Variants in SGMS1 observed in about 807,000 individuals in gnomAD.
SGMS1 encodes the protein phosphatidylcholine:ceramide cholinephosphotransferase 1.
A neutral mutation model predicts 46.2 loss-of-function variants in SGMS1; 13 were observed. That is an observed-to-expected ratio of 0.28 (90% CI 0.18 to 0.45). The LOEUF (loss-of-function observed/expected upper bound fraction) is 0.45, where lower values mean the gene tolerates loss of function less well. Among genes scored for constraint, SGMS1 ranks in the 20% least tolerant of loss-of-function variants. The pLI is 1.00. For synonymous variants in SGMS1, 203 were observed against 187.8 expected (o/e 1.08, Z -0.66); for missense variants, 324 against 519.9 (o/e 0.62, Z 3.66).
chr10:50,526,150 A>C (rs1837899285), intron 2 of SGMS1, among the ~76,000 whole-genome samples: 2 of 152,190 alleles, frequency 1.3e-5, no homozygotes, highest in Admixed American at 1.3e-4. Flanking sequence ...TTTATGAAGA[A>C]AAGAGGTTTA....
chr10:50,421,853 T>C (rs973121514), intron 6 of SGMS1, among the ~76,000 whole-genome samples: 4 of 152,160 alleles, frequency 2.6e-5, no homozygotes, highest in Non-Finnish European at 5.9e-5. Flanking sequence ...AAGGGACCCA[T>C]GCAGGTGGCT....
chr10:50,410,273 G>C (rs16934269), intron 6 of SGMS1, among the ~76,000 whole-genome samples: 4,782 of 152,196 alleles, frequency 0.031, 236 homozygotes, highest in African/African-American at 0.11. Flanking sequence ...AAGTCAGATA[G>C]GAAAGGGCAT....
At chr10:50,391,232 A>AAAT (rs1377151876) in intron 6 of SGMS1, among the ~76,000 whole-genome samples, 1 of 152,230 alleles carries the variant, frequency 6.6e-6, no homozygotes, top group Non-Finnish European at 1.5e-5. Flanking sequence ...CACAGACCTA[A>AAAT]AATCAAGTCA....
intron 3 of SGMS1, among the ~76,000 whole-genome samples, chr10:50,514,628 A>G (rs1837786530): frequency 1.3e-5 from 2 of 152,234 alleles, no homozygotes; most frequent in Admixed American, 1.3e-4. Context: ...TTAGACCATT[A>G]TTCTGCTACC....
intron 2 of SGMS1, among the ~76,000 whole-genome samples, chr10:50,580,349 A>G (rs1045033786): frequency 1.2e-4 from 18 of 152,114 alleles, no homozygotes; most frequent in Non-Finnish European, 1.9e-4. Context: ...CCTAATATTT[A>G]TTATACCATC....
At chr10:50,392,877 C>T (rs1848794184) in intron 6 of SGMS1, among the ~76,000 whole-genome samples, 1 of 152,048 alleles carries the variant, frequency 6.6e-6, no homozygotes, top group Non-Finnish European at 1.5e-5. Flanking sequence ...TTCTACTATT[C>T]ACTTTACATT....
intron 2 of SGMS1, among the ~76,000 whole-genome samples, chr10:50,549,352 T>C (rs1456153271): frequency 3.9e-5 from 6 of 152,286 alleles, no homozygotes; most frequent in African/African-American, 1.4e-4. Flanking sequence ...CATGGAATAC[T>C]ACGAAGCCAT....
At chr10:50,407,733 A>G (rs1467106594) in intron 6 of SGMS1, among the ~76,000 whole-genome samples, 1 of 152,218 alleles carries the variant, frequency 6.6e-6, no homozygotes. Context: ...TACTCTTGAA[A>G]GCCATCATGT....
At chr10:50,581,814 C>T (rs1309709078) in intron 2 of SGMS1, among the ~76,000 whole-genome samples, 3 of 152,138 alleles carry the variant, frequency 2.0e-5, no homozygotes, top group African/African-American at 7.2e-5. Context: ...AAAGAAACAA[C>T]AAAAACAATG....
chr10:50,475,071 G>A (rs772126914), intron 3 of SGMS1, among the ~76,000 whole-genome samples: 25 of 152,100 alleles, frequency 1.6e-4, no homozygotes, highest in Non-Finnish European at 2.6e-4. Context: ...AGATTCCTGG[G>A]TATGTTTCCA....
At position 50,571,683 on chromosome 10, in the gene SGMS1, T is replaced by C. The variant is rs191920036; in HGVS notation, c.-589+18470A>G. ...TCTAATGTGCATATATATACACATATATATGACAGATATAAAAATCTGTAT... is the reference window on the plus strand; with the variant it reads ...TCTAATGTGCATATATATACACATACATATGACAGATATAAAAATCTGTAT... On this transcript the variant is annotated intron_variant, in intron 2 of 10. Transcript: ENST00000361781. Among the ~76,000 whole-genome samples, 32 of 152,340 alleles carry C rather than the reference T, an allele frequency of 2.1e-4. No homozygotes were observed. In the East Asian group the frequency reaches 6.0e-3, roughly 28 times the overall value.
intron 6 of SGMS1, among the ~76,000 whole-genome samples, chr10:50,419,502 C>T (rs1003367101): frequency 1.3e-5 from 2 of 150,248 alleles, no homozygotes; most frequent in African/African-American, 4.9e-5. Flanking sequence ...AGCAAATAGG[C>T]TTAAAATTGG....
chr10:50,419,251 CA>C (rs1849223150), intron 6 of SGMS1, among the ~76,000 whole-genome samples: 1 of 152,130 alleles, frequency 6.6e-6, no homozygotes, highest in Non-Finnish European at 1.5e-5. Flanking sequence ...AGTAGGCACT[CA>C]AAAAATGCTG....
chr10:50,331,962 G>A (rs986450513), intron 7 of SGMS1, among the ~76,000 whole-genome samples: 2 of 152,078 alleles, frequency 1.3e-5, no homozygotes, highest in African/African-American at 2.4e-5. Flanking sequence ...CCCAGTCTAC[G>A]ATATTTTGTT....
Position 50,578,400 on chromosome 10 carries a change from T to C in SGMS1, c.-589+11753A>G, listed in dbSNP as rs566898268. Among the ~76,000 whole-genome samples, 6 of 152,362 alleles carry C rather than the reference T, an allele frequency of 3.9e-5. No individual in the cohort carries two copies. In the South Asian group the frequency reaches 8.3e-4, roughly 21 times the overall value. ...GCTGCATTTTAATCTAAGGATTATA[T>C]GCTTACCCTTGGAAAATTCTTTCAG... is the stretch of plus-strand genomic sequence containing the variant. On this transcript the variant is annotated intron_variant, in intron 2 of 10. Coordinates refer to ENST00000361781, the MANE Select transcript of SGMS1 (RefSeq NM_147156.4).
At chr10:50,320,504 G>A (rs891781989) in intron 8 of SGMS1, among the ~76,000 whole-genome samples, 1 of 152,158 alleles carries the variant, frequency 6.6e-6, no homozygotes, top group African/African-American at 2.4e-5. Context: ...TATCAATGGA[G>A]AGAGATGCTT....
At chr10:50,547,274 A>C (rs1018323736) in intron 2 of SGMS1, among the ~76,000 whole-genome samples, 1 of 152,190 alleles carries the variant, frequency 6.6e-6, no homozygotes, top group Admixed American at 6.5e-5. Flanking sequence ...TTATTTTAAA[A>C]ATTCAGACCA....
intron 3 of SGMS1, among the ~76,000 whole-genome samples, chr10:50,498,182 G>C (rs762720759): frequency 6.6e-6 from 1 of 152,164 alleles, no homozygotes; most frequent in Non-Finnish European, 1.5e-5. Flanking sequence ...AATGCTGTTT[G>C]GGGGAGGGGA....
chr10:50,444,377 A>G (rs1836982050), intron 5 of SGMS1, among the ~76,000 whole-genome samples: 1 of 152,210 alleles, frequency 6.6e-6, no homozygotes, highest in Non-Finnish European at 1.5e-5. Context: ...GAAATTCTCA[A>G]CAAAATACAG....
Sources: gnomAD v4.1 joint callset for allele counts (sites outside exome capture counted in the v4.1 genomes callset) on GRCh38, gnomAD v4.1.1 for gene constraint, MANE v1.5 for transcripts, NCBI Gene and HGNC (gene_info 2026-07-23, HGNC 2026-07-21) for gene names.